Variants in COL23A1 observed in about 807,000 individuals in gnomAD.
The protein encoded by COL23A1 is collagen type XXIII alpha 1 chain.
COL23A1 carries 97 observed loss-of-function variants against 99.3 expected under a neutral mutation model. The ratio of observed to expected loss-of-function variants is 0.98; its 90% CI spans 0.83 to 1.16. The LOEUF (loss-of-function observed/expected upper bound fraction) is 1.16. Ranked by LOEUF, COL23A1 falls within the 50% of genes most tolerant of loss-of-function variation. COL23A1 has a pLI of 0.00. For missense variants in COL23A1, 762 were observed against 757.4 expected, an observed-to-expected ratio of 1.01 and a Z score of -0.07; for synonymous variants, 320 against 308.2, an observed-to-expected ratio of 1.04 and a Z score of -0.40.
chr5:178,538,573 G>C (rs1271415591), intron 2 of COL23A1, among the ~76,000 whole-genome samples: 1 of 152,172 alleles, frequency 6.6e-6, no homozygotes, highest in Non-Finnish European at 1.5e-5. Context: ...ACCACATTTT[G>C]AGTAGCACAG....
chr5:178,578,391 C>G (rs1199285119), intron 1 of COL23A1, among the ~76,000 whole-genome samples: 1 of 152,188 alleles, frequency 6.6e-6, no homozygotes, highest in Non-Finnish European at 1.5e-5. Context: ...GACTGCACCA[C>G]AAGCCTGGTC....
chr5:178,529,697 T>A (rs1329338512), intron 2 of COL23A1, among the ~76,000 whole-genome samples: 1 of 152,140 alleles, frequency 6.6e-6, no homozygotes, highest in Non-Finnish European at 1.5e-5. Context: ...CACCGCTGAC[T>A]TCACAGGCAG....
At chr5:178,339,194 C>T (rs1488978432) in intron 2 of COL23A1, among the ~76,000 whole-genome samples, 3 of 152,204 alleles carry the variant, frequency 2.0e-5, no homozygotes, top group East Asian at 1.9e-4. Flanking sequence ...ACTCAGCACT[C>T]GTCTGGGTCC....
intron 2 of COL23A1, among the ~76,000 whole-genome samples, chr5:178,482,931 G>C (rs1334882714): frequency 6.6e-6 from 1 of 151,994 alleles, no homozygotes; most frequent in Non-Finnish European, 1.5e-5. Flanking sequence ...AAAGACTTAG[G>C]CTTAGTGGTG....
At chr5:178,433,483 G>C (rs960659941) in intron 2 of COL23A1, among the ~76,000 whole-genome samples, 2 of 152,128 alleles carry the variant, frequency 1.3e-5, no homozygotes, top group Non-Finnish European at 2.9e-5. Context: ...TTTTATGGAG[G>C]CTTTACTACG....
chr5:178,357,576 C>G (rs1296230425), intron 2 of COL23A1, among the ~76,000 whole-genome samples: 1 of 152,228 alleles, frequency 6.6e-6, no homozygotes, highest in Non-Finnish European at 1.5e-5. Flanking sequence ...CAGGCGGCCT[C>G]CAGGGGCCAG....
At chr5:178,474,072 G>A (rs892104571) in intron 2 of COL23A1, among the ~76,000 whole-genome samples, 2 of 152,166 alleles carry the variant, frequency 1.3e-5, no homozygotes, top group East Asian at 1.9e-4. Flanking sequence ...CAAGGAACAC[G>A]GAGTTACTCT....
intron 2 of COL23A1, among the ~76,000 whole-genome samples, chr5:178,512,134 T>A (rs977612948): frequency 6.6e-6 from 1 of 152,230 alleles, no homozygotes; most frequent in Non-Finnish European, 1.5e-5. Context: ...ATAGTAATTA[T>A]CTGTAAGCAG....
Position 178,590,027 on chromosome 5 carries a change from C to G in COL23A1, c.171G>C (p.Gln57His). The G allele has an allele frequency of 7.4e-7, 1 of 1,356,042 alleles. No individual in the cohort carries two copies. The highest frequency in any genetic ancestry group is 9.5e-7 in the Non-Finnish European group (1 of 1,052,104). The allele number at this position is 1,356,042 out of a possible 1,614,324, so 84.0% of individuals were successfully genotyped here. A position where few individuals can be genotyped will look rare whatever the true frequency, so the allele number is the denominator to read the frequency against. ...SAAACLLLGV[Q>H]AAALQGRVAA... is the part of the protein sequence containing the mutation. ...CCACCCGGCCCTGCAGCGCGGCCGC[C>G]TGGACACCCAGCAGCAGGCAGGCAG... Residue 57 changes from glutamine (Q) to histidine (H), a missense_variant, in exon 1 of 29, where the codon CAG becomes CAC. Physicochemically the swap from Gln to His is conservative, Grantham distance 24 (BLOSUM62 0). Transcript: ENST00000390654. The surrounding 1 kb of genome is among the most constrained non-coding windows in gnomAD (Gnocchi z 5.7).
At chr5:178,381,376 G>A (rs139661124) in intron 2 of COL23A1, among the ~76,000 whole-genome samples, 1 of 152,314 alleles carries the variant, frequency 6.6e-6, no homozygotes, top group Non-Finnish European at 1.5e-5. Flanking sequence ...TGGGGATGGC[G>A]AGAAGGCTGA....
chr5:178,394,651 T>C (rs1005953898), intron 2 of COL23A1, among the ~76,000 whole-genome samples: 2 of 152,234 alleles, frequency 1.3e-5, no homozygotes, highest in Admixed American at 6.5e-5. Flanking sequence ...TCCTGGTTCC[T>C]GAGTCCACCC....
At chr5:178,261,871 C>T (rs1765644084) in intron 10 of COL23A1, 123 bp from the exon 11 acceptor site, 23 of 860,420 alleles carry the variant, frequency 2.7e-5, no homozygotes, top group South Asian at 2.2e-4. Context: ...GCTGGGCTGC[C>T]GTCAGAAGCA....
intron 3 of COL23A1, among the ~76,000 whole-genome samples, chr5:178,294,987 CAACAAAACAAAACAA>C (rs112952760): frequency 6.6e-6 from 1 of 152,068 alleles, no homozygotes; most frequent in Non-Finnish European, 1.5e-5. Flanking sequence ...ATTAAAAATA[CAACAAAACAAAACAA>C]AACAAAACAA....
chr5:178,299,435 C>T (rs1757915843), intron 3 of COL23A1, among the ~76,000 whole-genome samples: 1 of 152,156 alleles, frequency 6.6e-6, no homozygotes, highest in Non-Finnish European at 1.5e-5. Flanking sequence ...TGTAGGCATA[C>T]AATTGTTACT....
At chr5:178,301,426 G>A (rs1758025696) in intron 3 of COL23A1, among the ~76,000 whole-genome samples, 1 of 152,138 alleles carries the variant, frequency 6.6e-6, no homozygotes, top group Admixed American at 6.5e-5. Flanking sequence ...AAGTACATCT[G>A]GGTTTCCTCA....
At chr5:178,461,166 A>G (rs1756101130) in intron 2 of COL23A1, among the ~76,000 whole-genome samples, 1 of 152,188 alleles carries the variant, frequency 6.6e-6, no homozygotes, top group Non-Finnish European at 1.5e-5. Context: ...TTCGCCCCTC[A>G]AGAACAAGTC....
chr5:178,473,313 T>C (rs973164073), intron 2 of COL23A1, among the ~76,000 whole-genome samples: 9 of 151,480 alleles, frequency 5.9e-5, no homozygotes, highest in African/African-American at 2.2e-4. Context: ...TTTATTTTTG[T>C]AGAGACGGTC....
chr5:178,406,428 C>CT (rs61274419), intron 2 of COL23A1, among the ~76,000 whole-genome samples: 46,194 of 141,892 alleles, frequency 0.33, 8,981 homozygotes, highest in Middle Eastern at 0.51. Context: ...TACCTACACT[C>CT]TTTTTTTTTT....
intron 2 of COL23A1, among the ~76,000 whole-genome samples, chr5:178,542,957 G>C (rs1369453583): frequency 3.3e-5 from 5 of 152,196 alleles, no homozygotes; most frequent in African/African-American, 1.2e-4. Context: ...AGCTCTGACA[G>C]AACACAGACT....
Sources: allele counts gnomAD v4.1 joint callset (sites outside exome capture counted in the v4.1 genomes callset), GRCh38; gene constraint gnomAD v4.1.1; non-coding constraint Gnocchi (gnomAD v3.1); transcripts MANE v1.5; gene names NCBI Gene and HGNC (gene_info 2026-07-23, HGNC 2026-07-21).